Variants in PPP4R3B observed in about 807,000 individuals in gnomAD.
PPP4R3B encodes the protein serine/threonine-protein phosphatase 4 regulatory subunit 3B.
A neutral mutation model predicts 95.4 loss-of-function variants in PPP4R3B; 52 were observed. That is an observed-to-expected ratio of 0.54 (90% CI 0.44 to 0.69). The LOEUF is 0.69. PPP4R3B is among the 30% of genes least tolerant of loss of function. The probability of loss-of-function intolerance (pLI) is 0.00; values close to 1 mark genes in which losing one functional copy is unlikely to be tolerated. For synonymous variants in PPP4R3B, 407 were observed against 343.9 expected (o/e 1.18, Z -2.03); for missense variants, 1,003 against 1,005.9 (o/e 1.00, Z 0.04).
intron 4 of PPP4R3B, among the ~76,000 whole-genome samples, chr2:55,592,004 A>T (rs1691097102): frequency 6.6e-6 from 1 of 152,164 alleles, no homozygotes; most frequent in African/African-American, 2.4e-5. Context: ...TTTAAGTCAA[A>T]ACTTGTGTGG....
At chr2:55,603,892 CATCCTAATAT>C (rs1693016857) in intron 3 of PPP4R3B, 76 bp downstream of exon 3, 1 of 857,798 alleles carries the variant, frequency 1.2e-6, no homozygotes, top group African/African-American at 1.7e-5. Context: ...TATCTCGCCA[CATCCTAATAT>C]GTTTGAAGTA....
At chr2:55,578,414 T>A in intron 9 of PPP4R3B, 72 bp from the exon 10 acceptor site, 2 of 1,181,922 alleles carry the variant, frequency 1.7e-6, no homozygotes, top group Non-Finnish European at 2.2e-6. Context: ...TATATTATTA[T>A]CTATATATTT....
intron 13 of PPP4R3B, among the ~76,000 whole-genome samples, chr2:55,566,928 G>GC (rs889912503): frequency 2.6e-5 from 4 of 152,170 alleles, no homozygotes; most frequent in African/African-American, 9.7e-5. Flanking sequence ...ATCTGCTTGA[G>GC]CCCAGGAGGT....
intron 7 of PPP4R3B, among the ~76,000 whole-genome samples, chr2:55,583,517 T>A (rs528677764): frequency 2.0e-4 from 30 of 152,200 alleles, no homozygotes; most frequent in Non-Finnish European, 3.5e-4. Context: ...GTTAACAGTT[T>A]ACTAAGATCA....
chr2:55,614,665 T>C lies in PPP4R3B; in HGVS notation c.198+786A>G, dbSNP rs910725758. ...GGGATGGAGAATGTAAACAACGGGA[T>C]GGATACAAACAAGCTTTAACTCTAT... is the stretch of plus-strand genomic sequence containing the variant. On this transcript the variant is annotated intron_variant, in intron 2 of 16. Transcript: ENST00000616407. 13 of 152,196 alleles carry C rather than the reference T, an allele frequency of 8.5e-5. 1 individual carries two copies. The highest frequency in any genetic ancestry group is 7.2e-4 in the Admixed American group (11 of 15,282). 9.4% of individuals were successfully genotyped at this position (152,196 alleles called of 1,614,324 possible). A position where few individuals can be genotyped will look rare whatever the true frequency, so the allele number is the denominator to read the frequency against.
intron 7 of PPP4R3B, 67 bp from the exon 8 acceptor site, chr2:55,581,765 C>T: frequency 6.6e-7 from 1 of 1,523,306 alleles, no homozygotes; most frequent in South Asian, 1.2e-5. Flanking sequence ...AAGACAAAAA[C>T]ACCAACTGAA....
chr2:55,550,042 A>G (rs1317624390), intron 16 of PPP4R3B, 36 bp from the exon 17 acceptor site: 2 of 1,442,208 alleles, frequency 1.4e-6, no homozygotes, highest in Non-Finnish European at 1.9e-6. Context: ...CTTTAAACAT[A>G]TATAACAAAA....
chr2:55,589,930 T>A lies in PPP4R3B; in HGVS notation c.922-974A>T, dbSNP rs1462008451. Among the ~76,000 whole-genome samples, 15 of 132,660 alleles carry A rather than the reference T, an allele frequency of 1.1e-4. No individual in the cohort carries two copies. The East Asian group carries it at 2.8e-3, about 25-fold the overall frequency. The allele number at this position is 132,660 out of a possible 152,430, so 87.0% of individuals were successfully genotyped here. On this transcript the variant is annotated intron_variant, in intron 4 of 16. Transcript: ENST00000616407. Reference sequence around the variant, plus strand: ...GACTCCATCTCAAAAAAAAAAAAAATTATATATATATAAAAAATATATATA... The same window carrying A: ...GACTCCATCTCAAAAAAAAAAAAAAATATATATATATAAAAAATATATATA...
intron 6 of PPP4R3B, 55 bp from the exon 7 acceptor site, chr2:55,585,222 A>G: frequency 3.1e-5 from 42 of 1,345,430 alleles, no homozygotes; most frequent in Non-Finnish European, 4.2e-5. Flanking sequence ...TTATTCTCAC[A>G]TTTCTTTTTT....
chr2:55,558,700 A>T, intron 16 of PPP4R3B, 75 bp downstream of exon 16: 1 of 1,199,948 alleles, frequency 8.3e-7, no homozygotes, highest in East Asian at 2.5e-5. Flanking sequence ...TGATTATCCA[A>T]ATTTTTTTCA....
chr2:55,572,877 C>A (rs1277091965), intron 12 of PPP4R3B, among the ~76,000 whole-genome samples: 1 of 152,088 alleles, frequency 6.6e-6, no homozygotes, highest in East Asian at 1.9e-4. Context: ...ACTCAGCTAT[C>A]TCCAGGAATA....
At chr2:55,576,168 G>A (rs1688634344) in intron 11 of PPP4R3B, among the ~76,000 whole-genome samples, 1 of 152,054 alleles carries the variant, frequency 6.6e-6, no homozygotes, top group African/African-American at 2.4e-5. Flanking sequence ...CCAACATGGT[G>A]AAACCCCATC....
intron 12 of PPP4R3B, among the ~76,000 whole-genome samples, chr2:55,571,076 TGAG>T (rs1263168084): frequency 6.6e-6 from 1 of 152,130 alleles, no homozygotes; most frequent in Non-Finnish European, 1.5e-5. Flanking sequence ...TTTGGGAGGC[TGAG>T]GAGGGTGGAT....
chr2:55,598,483 T>C lies in PPP4R3B; in HGVS notation c.854A>G (p.Glu285Gly). Reference protein sequence around the residue: ...IILPTPSVFEENFLSTLTSFI... With the variant: ...IILPTPSVFEGNFLSTLTSFI... ...AGACGTAAGAGTAGAAAGAAAATTCTCTTCAAAAACAGATGGTGTGGGCAA... is the reference window on the plus strand; with the variant it reads ...AGACGTAAGAGTAGAAAGAAAATTCCCTTCAAAAACAGATGGTGTGGGCAA... Residue 285 changes from glutamate to glycine, a missense_variant, in exon 4 of 17, where the codon GAG becomes GGG. Coordinates refer to ENST00000616407, the MANE Select transcript of PPP4R3B (RefSeq NM_001122964.3). The C allele has an allele frequency of 6.2e-7, 1 of 1,614,154 alleles. No individual in the cohort carries two copies. The highest frequency in any genetic ancestry group is 8.5e-7 in the Non-Finnish European group (1 of 1,180,024).
chr2:55,549,826 AG>A lies in PPP4R3B; in HGVS notation c.*84del, dbSNP rs1685044167. ...CTTGTATATTTTATAAGTTCAATTGAGAAAGCTTTCTGATTCAGATTTTCAG... is the reference window on the plus strand; with the variant it reads ...CTTGTATATTTTATAAGTTCAATTGAAAAGCTTTCTGATTCAGATTTTCAG... On this transcript the variant is annotated 3_prime_UTR_variant, in exon 17 of 17. Coordinates refer to ENST00000616407, the MANE Select transcript of PPP4R3B (RefSeq NM_001122964.3). 4 of 1,018,446 alleles carry A rather than the reference AG, an allele frequency of 3.9e-6. No individual in the cohort carries two copies. Among genetic ancestry groups the A allele is most frequent in the Non-Finnish European group, 6.2e-6 (4 of 643,896 alleles). The allele number at this position is 1,018,446 out of a possible 1,614,324, so 63.1% of individuals were successfully genotyped here.
At chr2:55,610,826 A>C (rs948550229) in intron 2 of PPP4R3B, among the ~76,000 whole-genome samples, 1 of 152,032 alleles carries the variant, frequency 6.6e-6, no homozygotes. Flanking sequence ...AAACCCAATT[A>C]ACACACAATT....
chr2:55,595,055 C>T (rs1034233608), intron 4 of PPP4R3B, among the ~76,000 whole-genome samples: 2 of 146,876 alleles, frequency 1.4e-5, no homozygotes, highest in East Asian at 2.0e-4. Context: ...CAGACAGTCT[C>T]GCTCTGTCAC....
intron 15 of PPP4R3B, among the ~76,000 whole-genome samples, chr2:55,560,679 A>T (rs977359305): frequency 4.7e-5 from 7 of 147,716 alleles, no homozygotes. Context: ...TGGGAGGCTG[A>T]GGCAGGACAA....
intron 2 of PPP4R3B, among the ~76,000 whole-genome samples, chr2:55,611,688 T>C (rs1032973643): frequency 9.2e-5 from 14 of 152,204 alleles, no homozygotes; most frequent in Non-Finnish European, 1.3e-4. Context: ...TTTAAAACTA[T>C]AATGTTAAAA....
Sources: gnomAD v4.1 joint callset for allele counts (sites outside exome capture counted in the v4.1 genomes callset) on GRCh38, gnomAD v4.1.1 for gene constraint, MANE v1.5 for transcripts, NCBI Gene and HGNC (gene_info 2026-07-23, HGNC 2026-07-21) for gene names.